Variants in NR4A3 observed in about 807,000 individuals in gnomAD.
NR4A3 encodes nuclear receptor subfamily 4 group A member 3, also known as chondrosarcoma, extraskeletal myxoid, fused to EWS.
In NR4A3, 13 loss-of-function variants were observed where a neutral mutation model predicts 55.6. That is an observed-to-expected ratio of 0.23 (90% CI 0.15 to 0.37). The LOEUF (loss-of-function observed/expected upper bound fraction) is 0.37. Among genes scored for constraint, NR4A3 ranks in the 10% least tolerant of loss-of-function variants. The pLI, the probability that NR4A3 is intolerant of heterozygous loss-of-function variation, is 1.00. For missense variants in NR4A3, 646 were observed against 822.8 expected (o/e 0.79, Z 2.63); for synonymous variants, 342 against 357.9 (o/e 0.96, Z 0.50).
At chr9:99,830,313 C>G (rs898593346) in intron 3 of NR4A3, among the ~76,000 whole-genome samples, 1 of 152,136 alleles carries the variant, frequency 6.6e-6, no homozygotes, top group Non-Finnish European at 1.5e-5. Flanking sequence ...AAGCCTGTTT[C>G]CCTATCAATG....
intron 5 of NR4A3, among the ~76,000 whole-genome samples, chr9:99,843,491 A>C (rs1278815702): frequency 6.6e-6 from 1 of 152,102 alleles, no homozygotes; most frequent in Non-Finnish European, 1.5e-5. Context: ...CTCAAACTTC[A>C]TTGTGTATGA....
At chr9:99,850,925 G>A (rs1259383731) in intron 7 of NR4A3, among the ~76,000 whole-genome samples, 1 of 152,228 alleles carries the variant, frequency 6.6e-6, no homozygotes, top group African/African-American at 2.4e-5. Flanking sequence ...TCAGTGGCAT[G>A]AGGAAACAGG....
Position 99,828,192 on chromosome 9 carries a change from A to G in NR4A3, c.150A>G (p.Thr50=). 6.2e-7 allele frequency: 1 copy of G among 1,614,070 alleles called. No individual in the cohort carries two copies. The highest frequency in any genetic ancestry group is 8.5e-7 in the Non-Finnish European group (1 of 1,180,004). ...MDLGSTEITA[T]ATTSLPSIST... is the part of the protein sequence containing the mutation. ...TTGGCAGCACTGAGATCACGGCTACAGCCACCACGTCCCTGCCCAGCATCA... is the reference window on the plus strand; with the variant it reads ...TTGGCAGCACTGAGATCACGGCTACGGCCACCACGTCCCTGCCCAGCATCA... Residue 50 remains threonine (T), a synonymous_variant, in exon 3 of 8, where the codon ACA becomes ACG. Transcript: ENST00000395097. This position sits in a 1 kb window ranked among gnomAD's most constrained non-coding sequence, Gnocchi z 7.7.
chr9:99,856,095 G>A (rs1354008780), intron 7 of NR4A3, among the ~76,000 whole-genome samples: 1 of 152,064 alleles, frequency 6.6e-6, no homozygotes, highest in Non-Finnish European at 1.5e-5. Flanking sequence ...TGGGGTCGGA[G>A]GAATGGTTTC....
rs112002668 is a variant in NR4A3, at chr9:99,828,815, C to G, written c.773C>G (p.Pro258Arg). Residue 258 changes from proline to arginine, a missense_variant, in exon 3 of 8, where the codon CCT becomes CGT. This residue lies in a region of NR4A3 where 426 missense variants were observed against 429.4 expected (regional missense o/e 0.99). Transcript: ENST00000395097. The surrounding 1 kb of genome is among the most constrained non-coding windows in gnomAD (Gnocchi z 7.7). ...AKRAAPLAFP[P>R]LGLTPSPTAS... ...AGGGCGGCCCCGCTGGCCTTCCCGC[C>G]TCTCGGCCTCACGCCCTCCCCTACC... The G allele has an allele frequency of 2.4e-3, 3,610 of 1,474,348 alleles. 8 individuals are homozygous for G. Among genetic ancestry groups the G allele is most frequent in the Non-Finnish European group, 2.8e-3 (3,076 of 1,116,886 alleles). 91.3% of individuals were successfully genotyped at this position (1,474,348 alleles called of 1,614,324 possible).
chr9:99,835,681 CATGGCCTAATTAGTCATTCA>C (rs1827547202), intron 5 of NR4A3, among the ~76,000 whole-genome samples: 1 of 152,216 alleles, frequency 6.6e-6, no homozygotes, highest in Admixed American at 6.5e-5. Context: ...TATCAGTCTA[CATGGCCTAATTAGTCATTCA>C]ATGGCAAACC....
intron 5 of NR4A3, among the ~76,000 whole-genome samples, chr9:99,836,249 A>C (rs1827559146): frequency 6.6e-6 from 1 of 152,238 alleles, no homozygotes; most frequent in African/African-American, 2.4e-5. Flanking sequence ...AAAGTTAACA[A>C]AAATAAATCT....
At chr9:99,849,019 C>G (rs1031062935) in intron 7 of NR4A3, among the ~76,000 whole-genome samples, 1 of 152,212 alleles carries the variant, frequency 6.6e-6, no homozygotes, top group Non-Finnish European at 1.5e-5. Flanking sequence ...ATAATATGCT[C>G]TTGGCTATAG....
intron 5 of NR4A3, chr9:99,834,905 T>C: frequency 1.0e-6 from 1 of 984,916 alleles, no homozygotes. Context: ...CAAATAATAG[T>C]GTAAGAGAAT....
chr9:99,831,875 A>C (rs1827449970), intron 3 of NR4A3, among the ~76,000 whole-genome samples: 1 of 152,182 alleles, frequency 6.6e-6, no homozygotes, highest in Non-Finnish European at 1.5e-5. Context: ...ATCCAACCTT[A>C]AGTTTTATGA....
At chr9:99,858,032 G>T (rs1827956952) in intron 7 of NR4A3, among the ~76,000 whole-genome samples, 1 of 152,096 alleles carries the variant, frequency 6.6e-6, no homozygotes, top group Admixed American at 6.6e-5. Context: ...ACTAGGCTTG[G>T]TGCTGGAGAT....
Position 99,864,105 on chromosome 9 carries a change from G to T in NR4A3, c.*238G>T. ...ATTTAGGCATTGGGGGATGGGGTGG[G>T]AGGGGGTTATAGTTCATGAGGGTTT... On this transcript the variant is annotated 3_prime_UTR_variant, in exon 8 of 8. Transcript: ENST00000395097. 7 of 395,892 alleles carry T rather than the reference G, an allele frequency of 1.8e-5. No individual in the cohort carries two copies. The highest frequency in any genetic ancestry group is 6.0e-5 in the African/African-American group (3 of 50,208). The allele number at this position is 395,892 out of a possible 1,614,324, so 24.5% of individuals were successfully genotyped here. A position where few individuals can be genotyped will look rare whatever the true frequency, so the allele number is the denominator to read the frequency against.
chr9:99,830,795 GA>G (rs1234230041), intron 3 of NR4A3, among the ~76,000 whole-genome samples: 1 of 151,936 alleles, frequency 6.6e-6, no homozygotes, highest in African/African-American at 2.4e-5. Context: ...AAGGGGGAAA[GA>G]AAAAAACAAG....
intron 5 of NR4A3, among the ~76,000 whole-genome samples, chr9:99,839,426 T>C (rs1394666684): frequency 6.6e-6 from 1 of 152,212 alleles, no homozygotes; most frequent in Non-Finnish European, 1.5e-5. Context: ...GATTCCACTC[T>C]GCTATTAAAG....
chr9:99,824,003 T>G (rs893768201), intron 1 of NR4A3, among the ~76,000 whole-genome samples: 1 of 152,004 alleles, frequency 6.6e-6, no homozygotes, highest in Non-Finnish European at 1.5e-5. Flanking sequence ...ACGGGGGTGT[T>G]CCTTTCGTCT....
chr9:99,834,356 G>A (rs1294350653), intron 5 of NR4A3, among the ~76,000 whole-genome samples: 1 of 152,120 alleles, frequency 6.6e-6, no homozygotes, highest in East Asian at 1.9e-4. Flanking sequence ...TCTCAATGAA[G>A]AGGGAAGAGA....
intron 7 of NR4A3, 85 bp downstream of exon 7, chr9:99,847,700 C>A: frequency 1.6e-6 from 2 of 1,282,736 alleles, no homozygotes; most frequent in South Asian, 1.4e-5. Context: ...ACTACACACA[C>A]CAGAAAAGTG....
In NR4A3 at chr9:99,844,720, A is replaced by G. The variant is rs751080768; in HGVS notation, c.1326A>G (p.Thr442=). The G allele has an allele frequency of 2.5e-6, 4 of 1,614,200 alleles. No individual in the cohort carries two copies. The highest frequency in any genetic ancestry group is 2.2e-5 in the South Asian group (2 of 91,082). The change falls in exon 6 of 8, where the codon ACA becomes ACG. Residue 442 remains threonine, a synonymous_variant. Coordinates refer to ENST00000395097, the MANE Select transcript of NR4A3 (RefSeq NM_006981.4). ...TGCAACAATTCTACAACCTCCTGACAGCCTCCATTGATGTATCCAGAAGCT... is the reference window on the plus strand; with the variant it reads ...TGCAACAATTCTACAACCTCCTGACGGCCTCCATTGATGTATCCAGAAGCT... ...EHVQQFYNLL[T]ASIDVSRSWA...
At chr9:99,859,136 A>C (rs1366794834) in intron 7 of NR4A3, among the ~76,000 whole-genome samples, 2 of 152,248 alleles carry the variant, frequency 1.3e-5, no homozygotes, top group Non-Finnish European at 2.9e-5. Context: ...ATATAGATCA[A>C]AATGCAAGAA....
Sources: gnomAD v4.1 joint callset for allele counts (sites outside exome capture counted in the v4.1 genomes callset) on GRCh38, gnomAD v4.1.1 for gene constraint, gnomAD v4.1.1 regional missense constraint, Gnocchi (gnomAD v3.1) non-coding constraint, MANE v1.5 for transcripts, NCBI Gene and HGNC (gene_info 2026-07-23, HGNC 2026-07-21) for gene names.